SCN9A: variants seen among roughly 807,000 people sequenced by gnomAD.
SCN9A encodes sodium voltage-gated channel alpha subunit 9.
In SCN9A, 131 loss-of-function variants were observed where a neutral mutation model predicts 187.0. The observed-to-expected ratio is 0.70, with a 90% CI of 0.61 to 0.81. The LOEUF (loss-of-function observed/expected upper bound fraction) is 0.81, where lower values mean the gene tolerates loss of function less well. Among genes scored for constraint, SCN9A ranks in the 30% least tolerant of loss-of-function variants. The pLI is 0.00. For missense variants in SCN9A, 2,252 were observed against 2,396.6 expected, an observed-to-expected ratio of 0.94 and a Z score of 1.26; for synonymous variants, 809 against 808.6, an observed-to-expected ratio of 1.00 and a Z score of -0.01.
At chr2:166,260,583 T>C (rs541286201) in intron 17 of SCN9A, among the ~76,000 whole-genome samples, 1 of 151,880 alleles carries the variant, frequency 6.6e-6, no homozygotes, top group Admixed American at 6.6e-5. Flanking sequence ...TTAGAGTGTA[T>C]ACTTTTTGTT....
chr2:166,199,433 C>G lies in SCN9A; in HGVS notation c.5206G>C (p.Gly1736Arg). ...VEGDCGNPSV[G>R]IFYFVSYIII... ...ATATAACTAACAAAGTAGAATATTC[C>G]AACAGATGGGTTACCACAGTCTCCT... The change falls in exon 27 of 27, where the codon GGA (glycine) becomes CGA (arginine). Residue 1736 changes from glycine (G) to arginine (R), a missense_variant. Around this residue, in one of 7 missense-constraint regions of SCN9A, gnomAD observed 345 missense variants for 344.6 expected, o/e 1.00. Coordinates refer to ENST00000642356, the MANE Select transcript of SCN9A (RefSeq NM_001365536.1). 1 of 1,614,128 alleles carries G rather than the reference C, an allele frequency of 6.2e-7. No individual in the cohort carries two copies. The highest frequency in any genetic ancestry group is 8.5e-7 in the Non-Finnish European group (1 of 1,180,032).
intron 24 of SCN9A, among the ~76,000 whole-genome samples, chr2:166,217,718 G>C (rs149827750): frequency 6.6e-6 from 1 of 152,120 alleles, no homozygotes. Context: ...GATAACAAGT[G>C]TTGATGAGGA....
intron 17 of SCN9A, among the ~76,000 whole-genome samples, chr2:166,263,408 C>T (rs1197587232): frequency 6.6e-6 from 1 of 151,970 alleles, no homozygotes; most frequent in South Asian, 2.1e-4. Flanking sequence ...AAATCCCAAC[C>T]TATCTACAAC....
In SCN9A at chr2:166,281,810, T is replaced by TAA. The variant is rs35888674; in HGVS notation, c.1975-4_1975-3dup. 2.3e-4 allele frequency: 330 copies of TAA among 1,426,264 alleles called. 1 individual carries two copies. Among genetic ancestry groups the TAA allele is most frequent in the Middle Eastern group, 1.1e-3 (6 of 5,452 alleles). The allele number at this position is 1,426,264 out of a possible 1,614,324, so 88.4% of individuals were successfully genotyped here. ...CTTGTGTATTTGATTGGTCGTGCCCTAAAAAAAAAATCAATTAATGTCTTA... is the reference window on the plus strand; with the variant it reads ...CTTGTGTATTTGATTGGTCGTGCCCTAAAAAAAAAAAATCAATTAATGTCTTA... On this transcript the variant is annotated splice_polypyrimidine_tract_variant and splice_region_variant and intron_variant, in intron 12 of 26. Transcript: ENST00000642356.
At chr2:166,307,140 G>T in intron 2 of SCN9A, 66 bp from the exon 3 acceptor site, 1 of 906,754 alleles carries the variant, frequency 1.1e-6, no homozygotes, top group Non-Finnish European at 1.8e-6. Flanking sequence ...ATCAATATCA[G>T]CAGTTTACCT....
intron 24 of SCN9A, among the ~76,000 whole-genome samples, chr2:166,216,426 A>G (rs962422262): frequency 1.3e-5 from 2 of 152,052 alleles, no homozygotes. Context: ...CCATGTAAGA[A>G]AGCAAGAAAT....
At chr2:166,342,687 T>C (rs889875760) in intron 1 of SCN9A, among the ~76,000 whole-genome samples, 1 of 152,206 alleles carries the variant, frequency 6.6e-6, no homozygotes, top group Non-Finnish European at 1.5e-5. Flanking sequence ...ACACATGCAG[T>C]GTAAAACATA....
chr2:166,238,385 G>A, intron 19 of SCN9A, 118 bp from the exon 20 acceptor site: 1 of 686,032 alleles, frequency 1.5e-6, no homozygotes, highest in Non-Finnish European at 2.4e-6. Flanking sequence ...TATTGACATG[G>A]GCCAGCTGAC....
At chr2:166,340,600 TTCTTTTTC>T (rs1699758165) in intron 1 of SCN9A, among the ~76,000 whole-genome samples, 1 of 84,274 alleles carries the variant, frequency 1.2e-5, no homozygotes, top group Admixed American at 1.1e-4. Context: ...CTTTCTTTCT[TTCTTTTTC>T]TTTCTTTCTT....
Position 166,204,002 on chromosome 2 carries a change from A to C in SCN9A, c.4727T>G (p.Val1576Gly), listed in dbSNP as rs374626800. ...CACAAAATCAAAAATATTCCATCCT[A>C]CAGTGAAGTAGTAGTGTCTGAGGGA... ...LISLRHYYFT[V>G]GWNIFDFVVV... is the part of the protein sequence containing the mutation. Residue 1576 changes from valine to glycine, a missense_variant, in exon 26 of 27, where the codon GTA (valine) becomes GGA (glycine). Val to Gly is a moderately radical substitution (Grantham distance 109). This residue lies in a region of SCN9A where 368 missense variants were observed against 408.6 expected (regional missense o/e 0.90). Transcript: ENST00000642356. 8 of 1,602,836 alleles carry C rather than the reference A, an allele frequency of 5.0e-6. No homozygotes were observed. Among genetic ancestry groups the C allele is most frequent in the Non-Finnish European group, 6.8e-6 (8 of 1,170,708 alleles).
chr2:166,251,006 CAA>C (rs568711273), intron 18 of SCN9A, among the ~76,000 whole-genome samples: 6 of 125,430 alleles, frequency 4.8e-5, no homozygotes, highest in Non-Finnish European at 6.9e-5. Context: ...TTTTGCTTTT[CAA>C]AAAAAAAAAA....
chr2:166,234,392 T>A (rs1695222675), intron 20 of SCN9A, among the ~76,000 whole-genome samples: 2 of 152,324 alleles, frequency 1.3e-5, no homozygotes, highest in Admixed American at 6.5e-5. Flanking sequence ...AATAAGTTAG[T>A]GACTGAGAGA....
intron 17 of SCN9A, among the ~76,000 whole-genome samples, chr2:166,262,656 G>A (rs999614744): frequency 2.0e-5 from 3 of 151,734 alleles, no homozygotes; most frequent in African/African-American, 7.3e-5. Context: ...TACAGCTTGG[G>A]GTTTAAATTT....
intron 3 of SCN9A, 81 bp downstream of exon 3, chr2:166,306,875 G>T: frequency 2.6e-6 from 2 of 756,870 alleles, no homozygotes; most frequent in Non-Finnish European, 2.2e-6. Context: ...AGGTGCAAAA[G>T]GTATAACATC....
chr2:166,331,711 C>CT (rs1205497811), intron 1 of SCN9A, among the ~76,000 whole-genome samples: 6 of 152,068 alleles, frequency 3.9e-5, no homozygotes, highest in Non-Finnish European at 8.8e-5. Flanking sequence ...AGAAATAATA[C>CT]TTTTTACTTT....
At chr2:166,229,971 C>T (rs939881069) in intron 21 of SCN9A, among the ~76,000 whole-genome samples, 4 of 152,182 alleles carry the variant, frequency 2.6e-5, no homozygotes, top group Non-Finnish European at 5.9e-5. Flanking sequence ...TCCTTCTTTT[C>T]TGCAATGTAT....
intron 23 of SCN9A, among the ~76,000 whole-genome samples, chr2:166,227,196 T>C (rs997286655): frequency 1.3e-5 from 2 of 152,184 alleles, no homozygotes; most frequent in African/African-American, 2.4e-5. Context: ...TCATCCAAGG[T>C]GTTTTAAACT....
intron 1 of SCN9A, among the ~76,000 whole-genome samples, chr2:166,336,322 A>G (rs1440185080): frequency 6.6e-6 from 1 of 152,134 alleles, no homozygotes; most frequent in African/African-American, 2.4e-5. Flanking sequence ...GAAAAAAGCT[A>G]AGATACAGGA....
chr2:166,320,263 T>A (rs1699205214), intron 1 of SCN9A, among the ~76,000 whole-genome samples: 2 of 152,138 alleles, frequency 1.3e-5, no homozygotes, highest in African/African-American at 4.8e-5. Context: ...ATAGTTATTA[T>A]TATGATTAAA....
Sources: allele counts gnomAD v4.1 joint callset (sites outside exome capture counted in the v4.1 genomes callset), GRCh38; gene constraint gnomAD v4.1.1; regional missense constraint gnomAD v4.1.1; transcripts MANE v1.5; gene names NCBI Gene and HGNC (gene_info 2026-07-23, HGNC 2026-07-21).